Variants in MIA2 observed in about 807,000 individuals in gnomAD.
MIA2 encodes the protein MIA SH3 domain ER export factor 2.
In MIA2, 127 loss-of-function variants were observed where a neutral mutation model predicts 167.8. The ratio of observed to expected loss-of-function variants is 0.76; its 90% CI spans 0.66 to 0.88. The LOEUF (loss-of-function observed/expected upper bound fraction) is 0.88. Among genes scored for constraint, MIA2 ranks in the 40% least tolerant of loss-of-function variants. The pLI is 0.00. For synonymous variants in MIA2, 552 were observed against 541.9 expected, an observed-to-expected ratio of 1.02 and a Z score of -0.26; for missense variants, 1,690 against 1,624.7, an observed-to-expected ratio of 1.04 and a Z score of -0.69.
At chr14:39,358,362 G>T (rs565250577) in intron 23 of MIA2, among the ~76,000 whole-genome samples, 7 of 152,244 alleles carry the variant, frequency 4.6e-5, no homozygotes, top group Admixed American at 3.3e-4. Context: ...TGAAGCTTGT[G>T]CATTCGTCAC....
At chr14:39,294,704 A>G (rs2061182742) in intron 12 of MIA2, among the ~76,000 whole-genome samples, 1 of 152,216 alleles carries the variant, frequency 6.6e-6, no homozygotes, top group African/African-American at 2.4e-5. Context: ...ATAGAAAGTT[A>G]CAAGAGGTTT....
rs1402250938 is a variant in MIA2 at position 39,345,922 on chromosome 14, C to G, written c.3674C>G (p.Ser1225Ter). Residue 1225 changes from serine (S) to a stop codon, truncating the protein, a stop_gained, in exon 26 of 29, where the codon TCA (serine) becomes TGA (stop). Coordinates refer to ENST00000640607, the MANE Select transcript of MIA2 (RefSeq NM_001329214.4). LOFTEE classifies it high-confidence loss of function. ...FPPPGQSYPD[S>*]ALPPQRQDRF... ...TTTCTAGGACAATCATATCCTGATT[C>G]AGCCCTTCCTCCACAAAGGCAAGAC... 6.2e-7 allele frequency: 1 copy of G among 1,610,870 alleles called. No homozygotes were observed. The highest frequency in any genetic ancestry group is 8.5e-7 in the Non-Finnish European group (1 of 1,178,508).
chr14:39,384,350 T>C (rs1377078578), intron 23 of MIA2, among the ~76,000 whole-genome samples: 1 of 152,142 alleles, frequency 6.6e-6, no homozygotes, highest in East Asian at 1.9e-4. Context: ...AGAAAAAGGC[T>C]CCTTTTAAAA....
intron 10 of MIA2, 94 bp from the exon 11 acceptor site, chr14:39,293,177 T>C (rs1418084764): frequency 3.5e-6 from 3 of 859,756 alleles, no homozygotes; most frequent in Non-Finnish European, 5.5e-6. Flanking sequence ...ATGAAAGTTA[T>C]TTAACTTATA....
rs1469600561 is a variant in MIA2 at position 39,295,029 on chromosome 14, G to T, written c.2496G>T (p.Gln832His). 6.3e-7 allele frequency: 1 copy of T among 1,597,986 alleles called. No homozygotes were observed. Among genetic ancestry groups the T allele is most frequent in the African/African-American group, 1.3e-5 (1 of 74,726 alleles). ...CTCAACTTCAGGAAAGCCAGAAACA[G>T]GTTTGTGCTCCGTAGGGACTCTTCA... ...ENSQLQESQK[Q>H]LLQEAEVWKE... Residue 832 changes from glutamine (Q) to histidine (H), a missense_variant and splice_region_variant, in exon 13 of 29, where the codon CAG becomes CAT. Gln to His is a conservative substitution (Grantham distance 24). Coordinates refer to ENST00000640607, the MANE Select transcript of MIA2 (RefSeq NM_001329214.4).
chr14:39,386,408 G>C, intron 23 of MIA2: 1 of 1,557,466 alleles, frequency 6.4e-7, no homozygotes. Context: ...TTTCCTTTTG[G>C]CTTTAACAAG....
intron 2 of MIA2, among the ~76,000 whole-genome samples, chr14:39,239,828 TC>T (rs1327924317): frequency 6.6e-6 from 1 of 152,180 alleles, no homozygotes; most frequent in Non-Finnish European, 1.5e-5. Context: ...GGACCCACAG[TC>T]TGTCAGTTTC....
chr14:39,382,163 G>A (rs1379550701), intron 23 of MIA2, among the ~76,000 whole-genome samples: 2 of 152,154 alleles, frequency 1.3e-5, no homozygotes, highest in East Asian at 1.9e-4. Context: ...TGTTGGAAGC[G>A]AGTAAAACTC....
At chr14:39,272,198 A>G (rs1350549671) in intron 6 of MIA2, among the ~76,000 whole-genome samples, 7 of 152,036 alleles carry the variant, frequency 4.6e-5, no homozygotes, top group Non-Finnish European at 1.0e-4. Flanking sequence ...TAAAGATACA[A>G]AAAATTAGCT....
intron 12 of MIA2, among the ~76,000 whole-genome samples, chr14:39,294,476 G>C (rs1239458267): frequency 6.6e-6 from 1 of 151,928 alleles, no homozygotes; most frequent in East Asian, 1.9e-4. Flanking sequence ...GGGATTACAG[G>C]CATGAGCCAC....
At chr14:39,282,096 G>T (rs1423251541) in intron 9 of MIA2, among the ~76,000 whole-genome samples, 1 of 152,000 alleles carries the variant, frequency 6.6e-6, no homozygotes, top group Non-Finnish European at 1.5e-5. Flanking sequence ...TGAATGCCAG[G>T]TTATTTTATA....
At chr14:39,288,475 A>ATATTTT (rs1294270700) in intron 9 of MIA2, among the ~76,000 whole-genome samples, 4 of 50,520 alleles carry the variant, frequency 7.9e-5, no homozygotes, top group South Asian at 7.1e-4. Context: ...ATATATATAT[A>ATATTTT]TTTTTTTTTT....
rs1350036660 is a variant in MIA2, at chr14:39,285,446, CG to C, written c.2131-5571del. Among the ~76,000 whole-genome samples, 2 of 104,576 alleles carry C rather than the reference CG, an allele frequency of 1.9e-5. 1 individual carries two copies. The highest frequency in any genetic ancestry group is 4.3e-5 in the Non-Finnish European group (2 of 46,870). 68.6% of individuals were successfully genotyped at this position (104,576 alleles called of 152,430 possible). On this transcript the variant is annotated intron_variant, in intron 9 of 28. Coordinates refer to ENST00000640607, the MANE Select transcript of MIA2 (RefSeq NM_001329214.4). ...GGGGCTGACCCCCCCACCTTCCTCC[CG>C]GACGGGGCGGCTGGCCGGGCGGGGG... is the stretch of plus-strand genomic sequence containing the variant.
chr14:39,274,431 CT>C (rs547198743), intron 6 of MIA2, among the ~76,000 whole-genome samples: 3,497 of 136,856 alleles, frequency 0.026, 66 homozygotes, highest in Middle Eastern at 0.09. Context: ...TTCTTTTTTT[CT>C]TTTTTTTTTT....
chr14:39,329,091 T>C (rs2068214117), intron 25 of MIA2, among the ~76,000 whole-genome samples: 1 of 152,230 alleles, frequency 6.6e-6, no homozygotes, highest in Admixed American at 6.5e-5. Flanking sequence ...ATTCTTCATA[T>C]CCATGAGCAT....
chr14:39,314,808 A>ATGTGTGTGTGTGTGTGTGTGTG lies in MIA2; in HGVS notation c.3180+10_3180+11insGTGTGTGTGTGTGTGTGTGTGT, dbSNP rs554677567. 7.3e-6 allele frequency: 8 copies of ATGTGTGTGTGTGTGTGTGTGTG among 1,099,592 alleles called. No homozygotes were observed. The highest frequency in any genetic ancestry group is 1.0e-5 in the Non-Finnish European group (8 of 770,578). 68.1% of individuals were successfully genotyped at this position (1,099,592 alleles called of 1,614,324 possible). On this transcript the variant is annotated intron_variant, in intron 20 of 28. Coordinates refer to ENST00000640607, the MANE Select transcript of MIA2 (RefSeq NM_001329214.4). The stretch of plus-strand genomic sequence containing the variant: ...ATTCTTATCAAGGGCAGGTATATAT[A>ATGTGTGTGTGTGTGTGTGTGTG]TATGTGTGTGTGTGTGTGTGTGTGT...
rs2074269762 is a variant in MIA2, at chr14:39,350,494, T to C, written c.*230T>C. 2 of 379,756 alleles carry C rather than the reference T, an allele frequency of 5.3e-6. No individual in the cohort carries two copies. The highest frequency in any genetic ancestry group is 4.6e-5 in the Admixed American group (1 of 21,958). The allele number at this position is 379,756 out of a possible 1,614,324, so 23.5% of individuals were successfully genotyped here. On this transcript the variant is annotated 3_prime_UTR_variant, in exon 29 of 29. Transcript: ENST00000640607. Reference sequence around the variant, plus strand: ...TTTCAATTTGATTAATCCACTATTATATAAACAATAGTGGGAGTTTTATAT... The same window carrying C: ...TTTCAATTTGATTAATCCACTATTACATAAACAATAGTGGGAGTTTTATAT...
intron 6 of MIA2, among the ~76,000 whole-genome samples, chr14:39,272,388 G>C (rs1024420253): frequency 7.2e-5 from 11 of 151,950 alleles, no homozygotes; most frequent in Non-Finnish European, 1.5e-4. Flanking sequence ...GTAAAGGGTA[G>C]GTATATGTAA....
chr14:39,321,104 A>C (rs748692031), intron 24 of MIA2, 48 bp downstream of exon 24: 2 of 1,544,042 alleles, frequency 1.3e-6, no homozygotes, highest in African/African-American at 2.8e-5. Flanking sequence ...TCCTTACTTT[A>C]TATTTTCATC....
Sources: gnomAD v4.1 joint callset for allele counts (sites outside exome capture counted in the v4.1 genomes callset) on GRCh38, gnomAD v4.1.1 for gene constraint, MANE v1.5 for transcripts, NCBI Gene and HGNC (gene_info 2026-07-23, HGNC 2026-07-21) for gene names.